The following CDH4 variants were observed in gnomAD, a reference collection of about 807,000 sequenced individuals.
CDH4 encodes the protein cadherin-4.
A neutral mutation model predicts 86.0 loss-of-function variants in CDH4; 33 were observed. That is an observed-to-expected ratio of 0.38 (90% CI 0.29 to 0.51). CDH4 has a LOEUF of 0.51. CDH4 is among the 20% of genes least tolerant of loss of function. CDH4 has a pLI of 0.86. For synonymous variants in CDH4, 555 were observed against 549.4 expected, an observed-to-expected ratio of 1.01 and a Z score of -0.14; for missense variants, 1,114 against 1,307.4, an observed-to-expected ratio of 0.85 and a Z score of 2.28.
chr20:61,909,181 C>G (rs2054823684), intron 8 of CDH4, among the ~76,000 whole-genome samples: 2 of 152,198 alleles, frequency 1.3e-5, no homozygotes, highest in Non-Finnish European at 2.9e-5. Context: ...GGAAGGGGAG[C>G]AGAGCTGCCT....
At chr20:61,563,927 TGGC>T (rs2086242001) in intron 2 of CDH4, among the ~76,000 whole-genome samples, 2 of 152,296 alleles carry the variant, frequency 1.3e-5, no homozygotes, top group Middle Eastern at 6.8e-3. Context: ...CCTGCCTTCT[TGGC>T]GGCAAAACTC....
chr20:61,331,661 G>C (rs1215054206), intron 2 of CDH4, among the ~76,000 whole-genome samples: 379 of 46,618 alleles, frequency 8.1e-3, no homozygotes, highest in African/African-American at 0.014. Flanking sequence ...CCAGCCACCT[G>C]CCCCAGGCTC....
chr20:61,563,039 C>G (rs976789359), intron 2 of CDH4, among the ~76,000 whole-genome samples: 2 of 152,216 alleles, frequency 1.3e-5, no homozygotes, highest in Non-Finnish European at 2.9e-5. Context: ...CCCGGAGCAA[C>G]CTCTCCTGAC....
In CDH4 at chr20:61,623,525, G is replaced by A. The variant is rs2145777871; in HGVS notation, c.170-120038G>A. ...AAGAGCAAATTGAATACCTAAAAAA[G>A]TATAATTAATCAAACCATATCAAGA... On this transcript the variant is annotated intron_variant, in intron 2 of 15. Coordinates refer to ENST00000614565, the MANE Select transcript of CDH4 (RefSeq NM_001794.5). The surrounding 1 kb of genome is among the most constrained non-coding windows in gnomAD (Gnocchi z 4.4). Among the ~76,000 whole-genome samples the A allele has an allele frequency of 6.6e-6, 1 of 152,252 alleles. No individual in the cohort carries two copies. The highest frequency in any genetic ancestry group is 3.4e-3 in the Middle Eastern group (1 of 294).
intron 2 of CDH4, among the ~76,000 whole-genome samples, chr20:61,656,772 G>T (rs1021828559): frequency 6.6e-6 from 1 of 152,146 alleles, no homozygotes; most frequent in African/African-American, 2.4e-5. Flanking sequence ...AAAGGCAGGG[G>T]TCCATTCCTC....
chr20:61,927,370 C>G (rs532331073), intron 11 of CDH4, among the ~76,000 whole-genome samples: 7 of 152,248 alleles, frequency 4.6e-5, no homozygotes, highest in Admixed American at 4.6e-4. Flanking sequence ...CAGGGATGGC[C>G]CCTGAGGAGC....
At chr20:61,746,579 G>A (rs141589708) in intron 3 of CDH4, among the ~76,000 whole-genome samples, 43 of 152,220 alleles carry the variant, frequency 2.8e-4, no homozygotes, top group African/African-American at 9.4e-4. Context: ...CCGGCATGGC[G>A]CAAGAGCAGC....
At chr20:61,489,065 C>A (rs978662089) in intron 2 of CDH4, among the ~76,000 whole-genome samples, 3 of 152,172 alleles carry the variant, frequency 2.0e-5, no homozygotes, top group African/African-American at 7.2e-5. Flanking sequence ...CAGGACTTCC[C>A]AGACCTCTGC....
chr20:61,361,010 G>A (rs550599170), intron 2 of CDH4, among the ~76,000 whole-genome samples: 2 of 151,994 alleles, frequency 1.3e-5, no homozygotes, highest in African/African-American at 2.4e-5. Context: ...TTCCAAAAAG[G>A]GGATGCCCTT....
chr20:61,826,894 G>A (rs1203616886), intron 4 of CDH4, among the ~76,000 whole-genome samples: 2 of 151,710 alleles, frequency 1.3e-5, no homozygotes, highest in South Asian at 2.1e-4. Flanking sequence ...ACCATGATCC[G>A]GGACCAGTAA....
intron 2 of CDH4, among the ~76,000 whole-genome samples, chr20:61,385,854 G>T (rs536694380): frequency 2.6e-5 from 4 of 152,268 alleles, no homozygotes; most frequent in African/African-American, 9.6e-5. Flanking sequence ...GAGTGCCCAG[G>T]CCTCCTGTTC....
chr20:61,770,837 C>T (rs2088765974), intron 3 of CDH4, among the ~76,000 whole-genome samples: 1 of 147,482 alleles, frequency 6.8e-6, no homozygotes, highest in Non-Finnish European at 1.5e-5. Flanking sequence ...GAGCCGAGAT[C>T]ACACCACTGC....
At chr20:61,267,298 C>T (rs141814316) in intron 2 of CDH4, among the ~76,000 whole-genome samples, 4 of 152,342 alleles carry the variant, frequency 2.6e-5, no homozygotes, top group Non-Finnish European at 5.9e-5. Flanking sequence ...CTCTCCATCT[C>T]CCAGGGAATC....
At chr20:61,285,461 G>C (rs1766919867) in intron 2 of CDH4, among the ~76,000 whole-genome samples, 1 of 152,232 alleles carries the variant, frequency 6.6e-6, no homozygotes, top group East Asian at 1.9e-4. Context: ...ACAGCACCCA[G>C]GTATGGAGAA....
intron 2 of CDH4, among the ~76,000 whole-genome samples, chr20:61,741,461 G>C (rs1022019850): frequency 4.6e-5 from 7 of 151,926 alleles, no homozygotes; most frequent in African/African-American, 1.7e-4. Flanking sequence ...CAGCTTCAAT[G>C]CTTGCCTAAG....
At chr20:61,599,638 G>A (rs2086582555) in intron 2 of CDH4, 1 of 190,244 alleles carries the variant, frequency 5.3e-6, no homozygotes, top group Admixed American at 6.5e-5. Flanking sequence ...TTCCCTCCAA[G>A]ACAATAGCCC....
chr20:61,303,705 G>A (rs116533131), intron 2 of CDH4, among the ~76,000 whole-genome samples: 19 of 152,216 alleles, frequency 1.2e-4, no homozygotes, highest in Admixed American at 2.6e-4. Flanking sequence ...CTTTTCAGGG[G>A]AGCAGGGAGG....
chr20:61,565,188 T>TG (rs1568688293), intron 2 of CDH4, among the ~76,000 whole-genome samples: 11 of 67,002 alleles, frequency 1.6e-4, no homozygotes, highest in Non-Finnish European at 3.2e-4. Context: ...GTGGTGGTGG[T>TG]CCTCTTGGTG....
intron 2 of CDH4, among the ~76,000 whole-genome samples, chr20:61,299,029 T>C (rs2084372135): frequency 6.6e-6 from 1 of 152,158 alleles, no homozygotes; most frequent in Non-Finnish European, 1.5e-5. Flanking sequence ...TGCCTTTTGC[T>C]GAATCCCAAC....
Sources: allele counts gnomAD v4.1 joint callset (sites outside exome capture counted in the v4.1 genomes callset), GRCh38; gene constraint gnomAD v4.1.1; non-coding constraint Gnocchi (gnomAD v3.1); transcripts MANE v1.5; gene names NCBI Gene and HGNC (gene_info 2026-07-23, HGNC 2026-07-21).